Variants in CRTAC1 observed in about 807,000 individuals in gnomAD.
The protein encoded by CRTAC1 is cartilage acidic protein 1, also known as acidic secreted protein in cartilage.
Under a neutral mutation model 67.8 loss-of-function variants are expected in CRTAC1, and 37 were observed. The ratio of observed to expected loss-of-function variants is 0.55; its 90% confidence interval spans 0.42 to 0.72. The LOEUF (loss-of-function observed/expected upper bound fraction) is 0.72, where lower values mean the gene tolerates loss of function less well. Ranked by LOEUF, CRTAC1 falls within the 30% of genes least tolerant of loss-of-function variation. The probability of loss-of-function intolerance (pLI) is 0.00; values close to 1 mark genes in which losing one functional copy is unlikely to be tolerated. For missense variants in CRTAC1, 780 were observed against 931.6 expected (o/e 0.84, Z 2.12); for synonymous variants, 348 against 371.0 (o/e 0.94, Z 0.71).
At chr10:97,873,772 G>C (rs1564871657) in intron 14 of CRTAC1, among the ~76,000 whole-genome samples, 1 of 152,226 alleles carries the variant, frequency 6.6e-6, no homozygotes, top group Non-Finnish European at 1.5e-5. Context: ...CTGAGGGCAT[G>C]AGGTTCTGGG....
At chr10:97,877,228 G>T (rs886100442) in intron 14 of CRTAC1, among the ~76,000 whole-genome samples, 1 of 152,188 alleles carries the variant, frequency 6.6e-6, no homozygotes, top group African/African-American at 2.4e-5. Flanking sequence ...TGAGAATTCA[G>T]CTCAACTTTT....
intron 2 of CRTAC1, among the ~76,000 whole-genome samples, chr10:97,964,593 T>C (rs1394300085): frequency 1.3e-5 from 2 of 152,152 alleles, no homozygotes; most frequent in African/African-American, 4.8e-5. Context: ...AGAAGACACA[T>C]GTTCTGAGCC....
chr10:98,027,640 A>T (rs1414853814), intron 1 of CRTAC1, among the ~76,000 whole-genome samples: 2 of 152,210 alleles, frequency 1.3e-5, no homozygotes, highest in Admixed American at 1.3e-4. Flanking sequence ...TTGTAGAGGC[A>T]GGGAAAGAAT....
At chr10:97,900,622 G>A (rs1024890713) in intron 8 of CRTAC1, among the ~76,000 whole-genome samples, 1 of 136,252 alleles carries the variant, frequency 7.3e-6, no homozygotes, top group African/African-American at 3.0e-5. Context: ...CCTTTTCCTG[G>A]TAGTGATTGG....
intron 6 of CRTAC1, among the ~76,000 whole-genome samples, chr10:97,905,188 T>A (rs937256451): frequency 1.3e-5 from 2 of 152,122 alleles, no homozygotes; most frequent in Non-Finnish European, 2.9e-5. Context: ...CATGCCACTC[T>A]TTTGCTTAAG....
intron 7 of CRTAC1, among the ~76,000 whole-genome samples, chr10:97,902,612 G>A (rs975237148): frequency 2.6e-5 from 4 of 152,154 alleles, no homozygotes; most frequent in Non-Finnish European, 4.4e-5. Context: ...ATTTCTGAGC[G>A]TAATATCCTC....
At chr10:97,881,961 G>A (rs2050220312) in intron 13 of CRTAC1, among the ~76,000 whole-genome samples, 1 of 152,184 alleles carries the variant, frequency 6.6e-6, no homozygotes, top group East Asian at 1.9e-4. Flanking sequence ...CCAAGCCCCT[G>A]CCCTCCCCCA....
intron 7 of CRTAC1, among the ~76,000 whole-genome samples, chr10:97,902,968 T>C (rs1057304152): frequency 3.9e-5 from 6 of 151,970 alleles, no homozygotes; most frequent in African/African-American, 1.5e-4. Flanking sequence ...TATGATTCTA[T>C]TGATCCTATA....
chr10:98,022,957 T>C (rs1843153292), intron 1 of CRTAC1, among the ~76,000 whole-genome samples: 1 of 152,064 alleles, frequency 6.6e-6, no homozygotes, highest in Non-Finnish European at 1.5e-5. Context: ...TCAAGTTTTT[T>C]CCCTAAATAA....
At position 97,896,991 on chromosome 10, in the gene CRTAC1, G is replaced by T; in HGVS notation, c.1134C>A (p.Arg378=). 2.6e-6 allele frequency: 4 copies of T among 1,554,662 alleles called. No homozygotes were observed. The highest frequency in any genetic ancestry group is 3.5e-6 in the Non-Finnish European group (4 of 1,148,122). ...GGTCTCCGTGCTCTCTACGGATGAC[G>T]CTGCAGGAGAGGAGACAGGCTTGCT... ...YRSSSANRLF[R]VIRREHGDPL... is the part of the protein sequence containing the mutation. The change falls in exon 9 of 15, where the codon CGC becomes CGA. Residue 378 remains arginine (R), a splice_region_variant and synonymous_variant. Transcript: ENST00000370597.
intron 2 of CRTAC1, among the ~76,000 whole-genome samples, chr10:97,958,536 G>C (rs554137471): frequency 6.6e-6 from 1 of 152,002 alleles, no homozygotes; most frequent in Non-Finnish European, 1.5e-5. Flanking sequence ...ACCCCCCATC[G>C]TTGACATCCC....
intron 2 of CRTAC1, among the ~76,000 whole-genome samples, chr10:97,991,118 AAAAAAAAAAG>A (rs1842446121): frequency 1.3e-5 from 2 of 148,226 alleles, no homozygotes; most frequent in Non-Finnish European, 3.0e-5. Context: ...AAAAAAAAAA[AAAAAAAAAAG>A]ATTATCTCAG....
At chr10:97,874,569 G>T (rs1277380396) in intron 14 of CRTAC1, among the ~76,000 whole-genome samples, 1 of 152,160 alleles carries the variant, frequency 6.6e-6, no homozygotes, top group Non-Finnish European at 1.5e-5. Context: ...GTGGCAGCAG[G>T]GTGTACCGGG....
chr10:97,924,364 A>G (rs2050883705), intron 3 of CRTAC1, among the ~76,000 whole-genome samples: 1 of 152,134 alleles, frequency 6.6e-6, no homozygotes, highest in African/African-American at 2.4e-5. Context: ...CAGGGAGAGG[A>G]GCAGCTGAAG....
intron 11 of CRTAC1, among the ~76,000 whole-genome samples, chr10:97,886,763 G>A (rs1317859676): frequency 6.6e-6 from 1 of 150,684 alleles, no homozygotes; most frequent in Non-Finnish European, 1.5e-5. Context: ...TCCTGCCTCA[G>A]CCTCCTGAGT....
chr10:97,965,210 A>C (rs1341613648), intron 2 of CRTAC1, among the ~76,000 whole-genome samples: 1 of 152,246 alleles, frequency 6.6e-6, no homozygotes, highest in Non-Finnish European at 1.5e-5. Flanking sequence ...CCTCAGAACA[A>C]ATATTAAAAT....
chr10:97,896,027 G>C (rs1344334703), intron 9 of CRTAC1, 42 bp from the exon 10 acceptor site: 2 of 1,567,908 alleles, frequency 1.3e-6, no homozygotes, highest in African/African-American at 2.7e-5. Flanking sequence ...TAATCCAGGA[G>C]ACCCACAAAG....
At chr10:97,896,843 C>A in intron 9 of CRTAC1, 66 bp downstream of exon 9, 3 of 799,616 alleles carry the variant, frequency 3.8e-6, no homozygotes, top group East Asian at 2.9e-5. Flanking sequence ...TCCCTCCCGC[C>A]CTCACCCCAG....
chr10:98,024,096 C>G (rs190561599), intron 1 of CRTAC1, among the ~76,000 whole-genome samples: 1 of 152,216 alleles, frequency 6.6e-6, no homozygotes, highest in Admixed American at 6.5e-5. Flanking sequence ...GAATCTCCAC[C>G]GAGGTGGCTG....
Sources: allele counts gnomAD v4.1 joint callset (sites outside exome capture counted in the v4.1 genomes callset), GRCh38; gene constraint gnomAD v4.1.1; transcripts MANE v1.5; gene names NCBI Gene and HGNC (gene_info 2026-07-23, HGNC 2026-07-21).